NDUFAF2: variants seen among roughly 807,000 people sequenced by gnomAD.
NDUFAF2 encodes NADH:ubiquinone oxidoreductase complex assembly factor 2, also known as NADH dehydrogenase [ubiquinone] 1 alpha subcomplex assembly factor 2.
NDUFAF2 carries 13 observed loss-of-function variants against 22.8 expected under a neutral mutation model. The observed-to-expected ratio is 0.57, with a 90% CI of 0.37 to 0.91. The LOEUF (loss-of-function observed/expected upper bound fraction) is 0.91, where lower values mean the gene tolerates loss of function less well. Ranked by LOEUF, NDUFAF2 falls within the 40% of genes least tolerant of loss-of-function variation. The pLI, the probability that NDUFAF2 is intolerant of heterozygous loss-of-function variation, is 0.01. For missense variants in NDUFAF2, 162 were observed against 195.2 expected, an observed-to-expected ratio of 0.83 and a Z score of 1.01; for synonymous variants, 53 against 64.2, an observed-to-expected ratio of 0.83 and a Z score of 0.84.
At chr5:61,033,761 G>A (rs1028921234) in intron 1 of NDUFAF2, among the ~76,000 whole-genome samples, 1 of 152,038 alleles carries the variant, frequency 6.6e-6, no homozygotes, top group Non-Finnish European at 1.5e-5. Context: ...ATAAACCGAA[G>A]CTGTACTAAG....
chr5:60,977,002 T>C (rs1358662848), intron 1 of NDUFAF2, among the ~76,000 whole-genome samples: 1 of 152,196 alleles, frequency 6.6e-6, no homozygotes, highest in African/African-American at 2.4e-5. Context: ...TAATAGACTT[T>C]ATTTTCTTAG....
intron 1 of NDUFAF2, among the ~76,000 whole-genome samples, chr5:61,044,336 G>C (rs1470950730): frequency 6.6e-6 from 1 of 151,716 alleles, no homozygotes; most frequent in East Asian, 1.9e-4. Context: ...TTGTTTTACT[G>C]TGCAGAAGCT....
At chr5:61,130,781 T>C (rs766681097) in intron 3 of NDUFAF2, among the ~76,000 whole-genome samples, 19 of 152,134 alleles carry the variant, frequency 1.2e-4, no homozygotes, top group Non-Finnish European at 2.4e-4. Flanking sequence ...AAATGCCTAT[T>C]CTGTGTTAGA....
intron 3 of NDUFAF2, among the ~76,000 whole-genome samples, chr5:61,113,594 G>A (rs1049711873): frequency 3.3e-5 from 5 of 152,044 alleles, no homozygotes; most frequent in Admixed American, 2.6e-4. Context: ...CACACAATCT[G>A]ATGGTTTTAT....
chr5:60,950,198 T>C (rs1052372973), intron 1 of NDUFAF2, among the ~76,000 whole-genome samples: 21 of 152,252 alleles, frequency 1.4e-4, no homozygotes, highest in African/African-American at 2.6e-4. Flanking sequence ...ATTTTTTTTT[T>C]CCCCAAAGGT....
intron 3 of NDUFAF2, among the ~76,000 whole-genome samples, chr5:61,143,574 C>T (rs1206130904): frequency 1.3e-4 from 20 of 151,886 alleles, no homozygotes; most frequent in Non-Finnish European, 2.4e-4. Flanking sequence ...ACAAATGTAC[C>T]GCTAATGTAT....
intron 1 of NDUFAF2, among the ~76,000 whole-genome samples, chr5:61,034,924 G>A (rs906983767): frequency 2.0e-5 from 3 of 151,736 alleles, no homozygotes; most frequent in African/African-American, 7.3e-5. Flanking sequence ...GTGTGTGTGT[G>A]TGTGTGTGTG....
At chr5:61,005,301 T>C (rs1580090384) in intron 1 of NDUFAF2, among the ~76,000 whole-genome samples, 1 of 152,296 alleles carries the variant, frequency 6.6e-6, no homozygotes, top group Admixed American at 6.5e-5. Flanking sequence ...TGTTCCATGG[T>C]GTATATGTGC....
chr5:61,054,609 C>G (rs966373149), intron 1 of NDUFAF2, among the ~76,000 whole-genome samples: 1 of 152,156 alleles, frequency 6.6e-6, no homozygotes, highest in Non-Finnish European at 1.5e-5. Context: ...AGGAACAAAA[C>G]CCCCTTGCTA....
chr5:60,984,028 A>G (rs1406292753), intron 1 of NDUFAF2, among the ~76,000 whole-genome samples: 2 of 152,148 alleles, frequency 1.3e-5, no homozygotes, highest in Non-Finnish European at 2.9e-5. Context: ...CTTCCTACCC[A>G]TGAGCATGGA....
In NDUFAF2 at chr5:61,018,724, T is replaced by C. The variant is rs538838112; in HGVS notation, c.128-54401T>C. On this transcript the variant is annotated intron_variant, in intron 1 of 3. Transcript: ENST00000296597. ...TTGTATATTCTCATTCACCTCTATATGGAGGTTCCCTAAGTGACTGATAAA... is the reference window on the plus strand; with the variant it reads ...TTGTATATTCTCATTCACCTCTATACGGAGGTTCCCTAAGTGACTGATAAA... Among the ~76,000 whole-genome samples the C allele has an allele frequency of 1.5e-4, 23 of 152,238 alleles. No individual in the cohort carries two copies. In the East Asian group the frequency reaches 4.2e-3, roughly 28 times the overall value.
chr5:60,953,684 G>C (rs1282439160), intron 1 of NDUFAF2, among the ~76,000 whole-genome samples: 1 of 152,168 alleles, frequency 6.6e-6, no homozygotes, highest in African/African-American at 2.4e-5. Context: ...CTAGAGAAAA[G>C]CAAGCAGTAA....
At chr5:61,073,780 T>C (rs1025785305) in intron 2 of NDUFAF2, among the ~76,000 whole-genome samples, 9 of 152,162 alleles carry the variant, frequency 5.9e-5, no homozygotes, top group Non-Finnish European at 1.0e-4. Context: ...ACAGCAGCAG[T>C]TGGTCTCTCA....
chr5:61,012,577 C>A (rs1447317979), intron 1 of NDUFAF2, among the ~76,000 whole-genome samples: 1 of 151,642 alleles, frequency 6.6e-6, no homozygotes, highest in African/African-American at 2.4e-5. Flanking sequence ...CTTATAATTT[C>A]CAAAATTCTG....
At chr5:61,059,697 A>C (rs1752140783) in intron 1 of NDUFAF2, among the ~76,000 whole-genome samples, 1 of 152,122 alleles carries the variant, frequency 6.6e-6, no homozygotes, top group African/African-American at 2.4e-5. Flanking sequence ...AATATGAGGA[A>C]GCTAATAAGA....
At chr5:60,956,888 A>C (rs1750623315) in intron 1 of NDUFAF2, among the ~76,000 whole-genome samples, 1 of 152,156 alleles carries the variant, frequency 6.6e-6, no homozygotes, top group South Asian at 2.1e-4. Context: ...TTAGTTAAAA[A>C]GAAAATACTG....
chr5:61,097,991 A>G (rs542077909), intron 2 of NDUFAF2, among the ~76,000 whole-genome samples: 1 of 152,298 alleles, frequency 6.6e-6, no homozygotes, highest in East Asian at 1.9e-4. Context: ...ATTCCCTACA[A>G]TATATTTTCT....
At chr5:60,981,885 A>T (rs1027453775) in intron 1 of NDUFAF2, among the ~76,000 whole-genome samples, 1 of 152,202 alleles carries the variant, frequency 6.6e-6, no homozygotes, top group Non-Finnish European at 1.5e-5. Context: ...TGGTGCTGGG[A>T]AAACTGGATA....
chr5:61,079,372 A>G (rs1032337164), intron 2 of NDUFAF2, among the ~76,000 whole-genome samples: 1 of 152,168 alleles, frequency 6.6e-6, no homozygotes, highest in Non-Finnish European at 1.5e-5. Flanking sequence ...TGTTATATCC[A>G]TGTTCTGCAA....
Sources: allele counts gnomAD v4.1 joint callset (sites outside exome capture counted in the v4.1 genomes callset), GRCh38; gene constraint gnomAD v4.1.1; transcripts MANE v1.5; gene names NCBI Gene and HGNC (gene_info 2026-07-23, HGNC 2026-07-21).